The following TM7SF3 variants were observed in gnomAD, a reference collection of about 807,000 sequenced individuals.
TM7SF3 encodes seven span transmembrane protein.
Under a neutral mutation model 65.5 loss-of-function variants are expected in TM7SF3, and 60 were observed. The observed-to-expected ratio is 0.92, with a 90% CI of 0.74 to 1.14. The LOEUF is 1.14. Ranked by LOEUF, TM7SF3 falls within the 50% of genes most tolerant of loss-of-function variation. The probability of loss-of-function intolerance (pLI) is 0.00; values close to 1 mark genes in which losing one functional copy is unlikely to be tolerated. For synonymous variants in TM7SF3, 264 were observed against 259.6 expected, an observed-to-expected ratio of 1.02 and a Z score of -0.16; for missense variants, 623 against 684.8, an observed-to-expected ratio of 0.91 and a Z score of 1.01.
chr12:26,987,665 G>GA (rs1301945879), intron 6 of TM7SF3, among the ~76,000 whole-genome samples: 1 of 152,172 alleles, frequency 6.6e-6, no homozygotes, highest in Non-Finnish European at 1.5e-5. Flanking sequence ...ATACATTAGA[G>GA]AAACACCATT....
chr12:26,974,063 G>T lies in TM7SF3; in HGVS notation c.1615C>A (p.Pro539Thr), dbSNP rs777588509. The change falls in exon 12 of 12, where the codon CCT becomes ACT. Residue 539 changes from proline (P) to threonine (T), a missense_variant. Coordinates refer to ENST00000343028, the MANE Select transcript of TM7SF3 (RefSeq NM_016551.3). ...TNILDPSYHIPPLRERLYGRL... is the reference protein window; with the variant it reads ...TNILDPSYHITPLRERLYGRL... ...CCATAGAGCCTCTCTCTCAATGGAG[G>T]AATGTGGTAGCTAGGGTCCAGAATG... 1 of 1,614,178 alleles carries T rather than the reference G, an allele frequency of 6.2e-7. No individual in the cohort carries two copies. Among genetic ancestry groups the T allele is most frequent in the East Asian group, 2.2e-5 (1 of 44,880 alleles).
At chr12:26,998,007 G>C (rs1240556704) in intron 3 of TM7SF3, among the ~76,000 whole-genome samples, 2 of 151,950 alleles carry the variant, frequency 1.3e-5, no homozygotes, top group Non-Finnish European at 2.9e-5. Flanking sequence ...TGTATTTTTA[G>C]TAGAGATAGA....
chr12:27,004,077 C>A (rs918779261), intron 1 of TM7SF3, among the ~76,000 whole-genome samples: 6 of 152,160 alleles, frequency 3.9e-5, no homozygotes, highest in Non-Finnish European at 8.8e-5. Flanking sequence ...TAGGTTATAA[C>A]AAGAACAGTT....
intron 2 of TM7SF3, 110 bp from the exon 3 acceptor site, chr12:26,999,786 A>T (rs1302814716): frequency 1.8e-6 from 2 of 1,132,730 alleles, no homozygotes; most frequent in Non-Finnish European, 2.5e-6. Flanking sequence ...ACAAATAGAA[A>T]AAAAAAACCT....
chr12:26,988,679 T>TGTGTGTGTGTGC (rs1412014447), intron 6 of TM7SF3, among the ~76,000 whole-genome samples: 26 of 150,250 alleles, frequency 1.7e-4, no homozygotes, highest in African/African-American at 6.3e-4. Flanking sequence ...AAATTGTGTG[T>TGTGTGTGTGTGC]GTGTGTGTGT....
intron 1 of TM7SF3, among the ~76,000 whole-genome samples, chr12:27,010,062 G>C (rs541876251): frequency 1.7e-4 from 26 of 152,302 alleles, no homozygotes; most frequent in African/African-American, 6.3e-4. Flanking sequence ...GTAAATGTTT[G>C]TTAAATGATG....
chr12:27,000,373 C>A (rs1439823215), intron 2 of TM7SF3, among the ~76,000 whole-genome samples: 1 of 152,214 alleles, frequency 6.6e-6, no homozygotes, highest in Non-Finnish European at 1.5e-5. Context: ...AGGACAAAAA[C>A]ATGAGACCTG....
intron 3 of TM7SF3, among the ~76,000 whole-genome samples, chr12:26,998,601 T>G (rs1940700255): frequency 6.6e-6 from 1 of 152,150 alleles, no homozygotes. Flanking sequence ...CACCAGTCAT[T>G]GTGTTGTATC....
At chr12:27,006,979 TGA>T (rs1173591056) in intron 1 of TM7SF3, among the ~76,000 whole-genome samples, 2 of 152,184 alleles carry the variant, frequency 1.3e-5, no homozygotes, top group South Asian at 2.1e-4. Flanking sequence ...TAAATCTATT[TGA>T]GAGAGTTTTT....
intron 1 of TM7SF3, 61 bp downstream of exon 1, chr12:27,014,017 T>C (rs1177355820): frequency 1.4e-6 from 2 of 1,428,732 alleles, no homozygotes; most frequent in Admixed American, 2.0e-5. Flanking sequence ...TGGCGGATTT[T>C]GACCTCGCAA....
At chr12:26,997,555 C>T (rs1940648560) in intron 3 of TM7SF3, among the ~76,000 whole-genome samples, 1 of 152,110 alleles carries the variant, frequency 6.6e-6, no homozygotes, top group African/African-American at 2.4e-5. Flanking sequence ...AGGTAATTAG[C>T]CTTTTGTTAT....
chr12:27,012,696 T>C (rs1255783613), intron 1 of TM7SF3: 1 of 455,834 alleles, frequency 2.2e-6, no homozygotes, highest in Non-Finnish European at 4.4e-6. Context: ...CTCACTGAGA[T>C]GAACAAGAAT....
intron 5 of TM7SF3, among the ~76,000 whole-genome samples, chr12:26,993,591 T>C (rs1316018548): frequency 6.6e-6 from 1 of 152,156 alleles, no homozygotes; most frequent in Non-Finnish European, 1.5e-5. Context: ...GGTCACTCCA[T>C]GTTAAAGTGG....
chr12:26,990,430 G>C lies in TM7SF3; in HGVS notation c.868+20C>G, dbSNP rs2136410387. On this transcript the variant is annotated intron_variant, in intron 6 of 11. Coordinates refer to ENST00000343028, the MANE Select transcript of TM7SF3 (RefSeq NM_016551.3). Reference sequence around the variant, plus strand: ...CAAGGCCAAAGGAGAATTTGTAAAAGTTTAAAGCCACATACTCACCTAGGG... The same window carrying C: ...CAAGGCCAAAGGAGAATTTGTAAAACTTTAAAGCCACATACTCACCTAGGG... The C allele has an allele frequency of 6.3e-7, 1 of 1,595,404 alleles. No individual in the cohort carries two copies. The highest frequency in any genetic ancestry group is 8.6e-7 in the Non-Finnish European group (1 of 1,167,612).
chr12:26,989,154 G>A (rs150666900), intron 6 of TM7SF3, among the ~76,000 whole-genome samples: 379 of 152,326 alleles, frequency 2.5e-3, no homozygotes, highest in African/African-American at 8.3e-3. Context: ...GTTATACACG[G>A]GTGGGGTATG....
chr12:26,981,456 G>A (rs1033936823), intron 7 of TM7SF3, among the ~76,000 whole-genome samples: 4 of 151,444 alleles, frequency 2.6e-5, no homozygotes, highest in Non-Finnish European at 5.9e-5. Flanking sequence ...TTGTACCTGT[G>A]AACAGCCACT....
At chr12:26,980,230 G>C in intron 8 of TM7SF3, 1 of 548,130 alleles carries the variant, frequency 1.8e-6, no homozygotes. Context: ...AAACATAATG[G>C]GGTAGGGAGG....
chr12:26,997,059 G>T (rs1478788745), intron 3 of TM7SF3, among the ~76,000 whole-genome samples, 197 bp from the exon 4 acceptor site: 1 of 152,200 alleles, frequency 6.6e-6, no homozygotes, highest in Non-Finnish European at 1.5e-5. Flanking sequence ...GGGCCCTAGA[G>T]CAGGGCAGAG....
Position 26,980,544 on chromosome 12 carries a change from A to G in TM7SF3, c.1036+22T>C, listed in dbSNP as rs761334345. The G allele has an allele frequency of 4.9e-6, 6 of 1,227,100 alleles. No individual in the cohort carries two copies. In the East Asian group the frequency reaches 1.2e-4, roughly 24 times the overall value. The allele number at this position is 1,227,100 out of a possible 1,614,324, so 76.0% of individuals were successfully genotyped here. On this transcript the variant is annotated intron_variant, in intron 8 of 11. Coordinates refer to ENST00000343028, the MANE Select transcript of TM7SF3 (RefSeq NM_016551.3). ...CACCTGCCTTCTTGAATACCCAGTT[A>G]AACTATATAATTTTCACTTACCATC...
Sources: allele counts gnomAD v4.1 joint callset (sites outside exome capture counted in the v4.1 genomes callset), GRCh38; gene constraint gnomAD v4.1.1; transcripts MANE v1.5; gene names NCBI Gene and HGNC (gene_info 2026-07-23, HGNC 2026-07-21).